The following TENM2 variants were observed in gnomAD, a reference collection of about 807,000 sequenced individuals.
TENM2 encodes the protein teneurin-2.
Under a neutral mutation model 245.2 loss-of-function variants are expected in TENM2, and 52 were observed. The observed-to-expected ratio is 0.21, with a 90% CI of 0.17 to 0.27. The LOEUF is 0.27. Ranked by LOEUF, TENM2 falls within the 10% of genes least tolerant of loss-of-function variation. The pLI is 1.00. For synonymous variants in TENM2, 1,363 were observed against 1,438.9 expected (o/e 0.95, Z 1.19); for missense variants, 3,046 against 3,666.8 (o/e 0.83, Z 4.37).
chr5:167,269,802 A>C, the TENM2 span, among the ~76,000 whole-genome samples: 1 of 151,864 alleles, frequency 6.6e-6, no homozygotes, highest in Non-Finnish European at 1.5e-5. Context: ...GTACTTACCT[A>C]CTCTCTTAAG....
chr5:167,844,846 CAA>C (rs34170173), intron 2 of TENM2, among the ~76,000 whole-genome samples: 5 of 136,162 alleles, frequency 3.7e-5, no homozygotes, highest in Non-Finnish European at 3.1e-5. Context: ...TGGTAGTGGC[CAA>C]AAAAAAAAAA....
chr5:167,986,856 T>C (rs923791542), intron 4 of TENM2, among the ~76,000 whole-genome samples: 2 of 152,194 alleles, frequency 1.3e-5, no homozygotes, highest in Non-Finnish European at 2.9e-5. Flanking sequence ...CTAAGCCCTC[T>C]TGGTCCTCCC....
the TENM2 span, among the ~76,000 whole-genome samples, chr5:167,156,025 TG>T: frequency 6.6e-6 from 1 of 152,328 alleles, no homozygotes; most frequent in East Asian, 1.9e-4. Context: ...GTCTTGTTAG[TG>T]GGCAAATGAA....
chr5:167,686,539 C>T (rs2150392125), intron 2 of TENM2, among the ~76,000 whole-genome samples: 1 of 152,156 alleles, frequency 6.6e-6, no homozygotes, highest in East Asian at 1.9e-4. Context: ...GAAACGTTTA[C>T]AAAATAGAAA....
the TENM2 span, among the ~76,000 whole-genome samples, chr5:167,242,703 G>C: frequency 6.6e-6 from 1 of 152,136 alleles, no homozygotes; most frequent in African/African-American, 2.4e-5. Flanking sequence ...TAAGAATACA[G>C]TATGTAATAT....
intron 2 of TENM2, among the ~76,000 whole-genome samples, chr5:167,816,898 T>A (rs1767102392): frequency 6.6e-6 from 1 of 152,080 alleles, no homozygotes; most frequent in Non-Finnish European, 1.5e-5. Context: ...ACCATGGAAG[T>A]ACATACTAAA....
chr5:168,034,064 TGTGTATATATATGTATAC>T (rs1402903204), intron 5 of TENM2, among the ~76,000 whole-genome samples: 5 of 120,426 alleles, frequency 4.2e-5, no homozygotes, highest in Non-Finnish European at 5.6e-5. Flanking sequence ...TATATATATA[TGTGTATATATATGTATAC>T]ATATATATGT....
At chr5:168,057,685 G>C (rs1285311273) in intron 6 of TENM2, among the ~76,000 whole-genome samples, 1 of 152,072 alleles carries the variant, frequency 6.6e-6, no homozygotes, top group East Asian at 1.9e-4. Flanking sequence ...TTATTGTTAA[G>C]ATTTTACACA....
the TENM2 span, among the ~76,000 whole-genome samples, chr5:166,982,399 T>C: frequency 1.3e-5 from 2 of 152,280 alleles, no homozygotes; most frequent in African/African-American, 4.8e-5. Context: ...TACTTGTGTG[T>C]TTTTAAGGAA....
chr5:167,399,420 C>T (rs939062835), intron 2 of TENM2, among the ~76,000 whole-genome samples: 2 of 152,188 alleles, frequency 1.3e-5, no homozygotes, highest in African/African-American at 4.8e-5. Flanking sequence ...TGCAGCATCA[C>T]TCATTCTGAA....
chr5:167,674,918 G>T (rs1756214232), intron 2 of TENM2, among the ~76,000 whole-genome samples: 2 of 152,068 alleles, frequency 1.3e-5, no homozygotes, highest in Admixed American at 1.3e-4. Context: ...GCTCTGCTGA[G>T]CTCTAGCCCC....
the TENM2 span, among the ~76,000 whole-genome samples, chr5:167,257,994 T>G: frequency 6.6e-6 from 1 of 151,784 alleles, no homozygotes; most frequent in African/African-American, 2.4e-5. Context: ...GAAGCCATAG[T>G]GGGGACGGGG....
chr5:167,252,114 T>C, the TENM2 span, among the ~76,000 whole-genome samples: 1 of 152,100 alleles, frequency 6.6e-6, no homozygotes, highest in Non-Finnish European at 1.5e-5. Context: ...TAAGAGTTCA[T>C]AAGATTAATT....
chr5:168,118,531 T>G, intron 10 of TENM2, 45 bp downstream of exon 12: 1 of 1,442,666 alleles, frequency 6.9e-7, no homozygotes, highest in Non-Finnish European at 9.3e-7. Flanking sequence ...GAGGGAGGCG[T>G]TTGCAGGGCC....
intron 2 of TENM2, among the ~76,000 whole-genome samples, chr5:167,871,378 C>A (rs541107348): frequency 6.6e-6 from 1 of 152,028 alleles, no homozygotes; most frequent in Admixed American, 6.5e-5. Context: ...ACCAATCTAT[C>A]AGAGTTAGCA....
chr5:167,345,829 T>C (rs1011166880), intron 1 of TENM2, among the ~76,000 whole-genome samples: 3 of 151,902 alleles, frequency 2.0e-5, no homozygotes, highest in Non-Finnish European at 4.4e-5. Flanking sequence ...ACACTTTTTT[T>C]TCTTATCTCT....
the TENM2 span, among the ~76,000 whole-genome samples, chr5:167,253,964 G>T: frequency 3.3e-5 from 5 of 152,022 alleles, no homozygotes; most frequent in African/African-American, 9.7e-5. Context: ...ACTTGAATAA[G>T]TGCGTATAAG....
rs1003399041 is a variant in TENM2 at position 167,978,639 on chromosome 5, C to A, written c.948-14305C>A. ...TGGGAGTGAGAGAGTGAAGGAATGG[C>A]GAGTTACTGTTTAATAGATTTTGGG... is the stretch of plus-strand genomic sequence containing the variant. On this transcript the variant is annotated intron_variant, in intron 4 of 28. Coordinates refer to ENST00000518659, the Ensembl canonical transcript of TENM2. Among the ~76,000 whole-genome samples the A allele has an allele frequency of 1.1e-4, 16 of 147,424 alleles. No homozygotes were observed. In the Admixed American group the frequency reaches 1.1e-3, roughly 10 times the overall value.
chr5:167,248,317 G>T, the TENM2 span, among the ~76,000 whole-genome samples: 1 of 152,102 alleles, frequency 6.6e-6, no homozygotes, highest in Non-Finnish European at 1.5e-5. Context: ...CGTGTTGAGC[G>T]TCCAAAATGT....
Sources: gnomAD v4.1 joint callset for allele counts (sites outside exome capture counted in the v4.1 genomes callset) on GRCh38, gnomAD v4.1.1 for gene constraint, MANE v1.5 for transcripts, NCBI Gene and HGNC (gene_info 2026-07-23, HGNC 2026-07-21) for gene names.